Variants in ITGB3BP observed in about 807,000 individuals in gnomAD.
ITGB3BP encodes centromere protein R.
ITGB3BP carries 27 observed loss-of-function variants against 29.1 expected under a neutral mutation model. The ratio of observed to expected loss-of-function variants is 0.93; its 90% CI spans 0.68 to 1.28. The LOEUF is 1.28. Ranked by LOEUF, ITGB3BP falls within the 50% of genes most tolerant of loss-of-function variation. The probability of loss-of-function intolerance (pLI) is 0.00; values close to 1 mark genes in which losing one functional copy is unlikely to be tolerated. For synonymous variants in ITGB3BP, 61 were observed against 61.4 expected, an observed-to-expected ratio of 0.99 and a Z score of 0.03; for missense variants, 192 against 200.2, an observed-to-expected ratio of 0.96 and a Z score of 0.25.
rs140117620 is a variant in ITGB3BP, at chr1:63,494,544, G to T, written c.49-4326C>A. Among the ~76,000 whole-genome samples the T allele has an allele frequency of 2.6e-5, 4 of 152,194 alleles. No individual in the cohort carries two copies. The East Asian group carries it at 7.7e-4, about 29-fold the overall frequency. On this transcript the variant is annotated intron_variant, in intron 2 of 8. Transcript: ENST00000271002. The stretch of plus-strand genomic sequence containing the variant: ...GAACTTATCTTAGTGATCTTACAGG[G>T]ATAGCAAGGAAAGAATATGACCAAT...
Position 63,485,718 on chromosome 1 carries a change from C to T in ITGB3BP, c.184+4365G>A, listed in dbSNP as rs372423200. ...GAAAAATTGTATTTCATCCTCACTT[C>T]CTGGATAAAAACTCAACTGTGATTC... On this transcript the variant is annotated intron_variant, in intron 3 of 8. Transcript: ENST00000271002. Among the ~76,000 whole-genome samples the T allele has an allele frequency of 1.2e-4, 18 of 152,106 alleles. No homozygotes were observed. In the East Asian group the frequency reaches 3.3e-3, roughly 28 times the overall value.
chr1:63,456,271 A>T (rs1020803139), intron 4 of ITGB3BP, among the ~76,000 whole-genome samples: 1 of 152,210 alleles, frequency 6.6e-6, no homozygotes, highest in Non-Finnish European at 1.5e-5. Flanking sequence ...AACAAGAAAC[A>T]AGAGACTTTT....
chr1:63,501,455 G>C (rs1297116768), intron 2 of ITGB3BP, among the ~76,000 whole-genome samples: 3 of 152,168 alleles, frequency 2.0e-5, no homozygotes, highest in African/African-American at 2.4e-5. Flanking sequence ...CAGGGGGAGG[G>C]GGAGAGGAGG....
chr1:63,495,346 T>A (rs1645760962), intron 2 of ITGB3BP, among the ~76,000 whole-genome samples: 1 of 152,174 alleles, frequency 6.6e-6, no homozygotes, highest in Admixed American at 6.5e-5. Flanking sequence ...AAAAACAGTA[T>A]TAGAAATAAG....
chr1:63,454,467 C>T lies in ITGB3BP; in HGVS notation c.340G>A (p.Glu114Lys). Reference sequence around the variant, plus strand: ...AGATTTTCAAGCTCTCTACTGCCCTCCAAAGCCTACAAGAAAGTCATCTTG... The same window carrying T: ...AGATTTTCAAGCTCTCTACTGCCCTTCAAAGCCTACAAGAAAGTCATCTTG... Reference protein sequence around the residue: ...MQNLSSIQALEGSRELENLIG... With the variant: ...MQNLSSIQALKGSRELENLIG... The change falls in exon 6 of 9, where the codon GAG (glutamate) becomes AAG (lysine). Residue 114 changes from glutamate (E) to lysine (K), a missense_variant. By Grantham distance (56) the Glu-to-Lys change is moderately conservative. Transcript: ENST00000271002. The surrounding 1 kb of genome is among the most constrained non-coding windows in gnomAD (Gnocchi z 4.1). The T allele has an allele frequency of 2.5e-6, 4 of 1,571,940 alleles. No individual in the cohort carries two copies. The highest frequency in any genetic ancestry group is 2.6e-6 in the Non-Finnish European group (3 of 1,148,434).
At position 63,515,700 on chromosome 1, in the gene ITGB3BP, C is replaced by T. The variant is rs529323412; in HGVS notation, c.6-7130G>A. Among the ~76,000 whole-genome samples, 8 of 151,542 alleles carry T rather than the reference C, an allele frequency of 5.3e-5. 1 individual carries two copies. The highest frequency in any genetic ancestry group is 1.9e-4 in the African/African-American group (8 of 41,288). On this transcript the variant is annotated intron_variant, in intron 1 of 8. Transcript: ENST00000271002. Reference sequence around the variant, plus strand: ...AATTAGCCAGGCATGGTGGTGCATGCTTGTAGTCCCAGCTACTCAGGAGGC... The same window carrying T: ...AATTAGCCAGGCATGGTGGTGCATGTTTGTAGTCCCAGCTACTCAGGAGGC...
At chr1:63,523,747 A>T (rs959795924), upstream of ITGB3BP, 1 of 155,842 alleles carries the variant, frequency 6.4e-6, no homozygotes, top group African/African-American at 2.4e-5. Context: ...TGGTCCATGT[A>T]TGTACCTAAA....
In ITGB3BP at chr1:63,473,203, C is replaced by G. The variant is rs1204590033; in HGVS notation, c.254+5561G>C. 2.0e-5 allele frequency among the ~76,000 whole-genome samples: 3 copies of G among 151,660 alleles called. No homozygotes were observed. In the East Asian group the frequency reaches 5.9e-4, roughly 30 times the overall value. On this transcript the variant is annotated intron_variant, in intron 4 of 8. Transcript: ENST00000271002. ...GAGGTGAGGAGCGTCTCTGCCCGGCCGCCCCGTCTGAGAAGTGAGGAAACC... is the reference window on the plus strand; with the variant it reads ...GAGGTGAGGAGCGTCTCTGCCCGGCGGCCCCGTCTGAGAAGTGAGGAAACC...
chr1:63,524,701 T>C (rs1014688793), upstream of ITGB3BP, among the ~76,000 whole-genome samples: 5 of 152,204 alleles, frequency 3.3e-5, no homozygotes, highest in African/African-American at 1.2e-4. Context: ...TTCAGTACTA[T>C]ATCCACATTA....
intron 4 of ITGB3BP, 52 bp downstream of exon 4, chr1:63,478,712 G>T: frequency 3.6e-6 from 3 of 844,646 alleles, no homozygotes; most frequent in South Asian, 3.2e-5. Flanking sequence ...TAACAAATAT[G>T]AACGTCTTTC....
chr1:63,469,898 CGCT>C (rs1321862177), intron 4 of ITGB3BP, among the ~76,000 whole-genome samples: 2 of 152,216 alleles, frequency 1.3e-5, no homozygotes, highest in East Asian at 3.9e-4. Context: ...GTAACGCCCA[CGCT>C]GTAAGGTTGT....
intron 4 of ITGB3BP, among the ~76,000 whole-genome samples, chr1:63,473,767 G>A (rs1220134576): frequency 4.1e-4 from 19 of 46,344 alleles, no homozygotes; most frequent in African/African-American, 1.3e-3. Context: ...CCCTCTGCCC[G>A]GCCAGCCGCC....
intron 4 of ITGB3BP, among the ~76,000 whole-genome samples, chr1:63,460,248 A>C (rs1644995671): frequency 6.6e-6 from 1 of 152,140 alleles, no homozygotes; most frequent in Admixed American, 6.5e-5. Flanking sequence ...CTATTTCCAA[A>C]AGTTTTCTAT....
intron 1 of ITGB3BP, 112 bp downstream of exon 1, chr1:63,523,017 A>G (rs769832985): frequency 7.9e-7 from 1 of 1,261,558 alleles, no homozygotes; most frequent in Non-Finnish European, 1.2e-6. Flanking sequence ...CAGAGGAGAC[A>G]AGTTCATACT....
Position 63,485,255 on chromosome 1 carries a change from C to A in ITGB3BP, c.184+4828G>T, listed in dbSNP as rs187507853. Reference sequence around the variant, plus strand: ...ACAATTCTGAGGTAGGAATTACTATCTTCCCCATTTTACAGGCAAGAAAAC... The same window carrying A: ...ACAATTCTGAGGTAGGAATTACTATATTCCCCATTTTACAGGCAAGAAAAC... On this transcript the variant is annotated intron_variant, in intron 3 of 8. Transcript: ENST00000271002. Among the ~76,000 whole-genome samples the A allele has an allele frequency of 9.6e-4, 146 of 152,116 alleles. 1 individual carries two copies. Among genetic ancestry groups the A allele is most frequent in the Non-Finnish European group, 1.7e-3 (118 of 67,910 alleles).
intron 3 of ITGB3BP, among the ~76,000 whole-genome samples, chr1:63,488,705 A>C (rs964504882): frequency 6.6e-6 from 1 of 151,996 alleles, no homozygotes. Context: ...TATATGTGAG[A>C]TATATATATT....
At chr1:63,444,506 GGA>G (rs1644766066) in intron 8 of ITGB3BP, among the ~76,000 whole-genome samples, 1 of 81,394 alleles carries the variant, frequency 1.2e-5, no homozygotes, top group African/African-American at 5.3e-5. Flanking sequence ...ATTACATATA[GGA>G]TATATATGTA....
chr1:63,524,254 T>G (rs1029507528), upstream of ITGB3BP, among the ~76,000 whole-genome samples: 6 of 152,240 alleles, frequency 3.9e-5, no homozygotes, highest in African/African-American at 1.4e-4. Flanking sequence ...AACAGTTTTC[T>G]TTCACATTTG....
chr1:63,509,245 G>A (rs1646146680), intron 1 of ITGB3BP, among the ~76,000 whole-genome samples: 1 of 152,124 alleles, frequency 6.6e-6, no homozygotes, highest in Non-Finnish European at 1.5e-5. Flanking sequence ...GCTTAGAAAG[G>A]GAAGCTGAAT....
Sources: gnomAD v4.1 joint callset for allele counts (sites outside exome capture counted in the v4.1 genomes callset) on GRCh38, gnomAD v4.1.1 for gene constraint, Gnocchi (gnomAD v3.1) non-coding constraint, MANE v1.5 for transcripts, NCBI Gene and HGNC (gene_info 2026-07-23, HGNC 2026-07-21) for gene names.